The following TMEFF2 variants were observed in gnomAD, a reference collection of about 807,000 sequenced individuals.
The protein encoded by TMEFF2 is transmembrane protein with EGF like and two follistatin like domains 2, also known as tomoregulin-2.
In TMEFF2, 28 loss-of-function variants were observed where a neutral mutation model predicts 53.8. The observed-to-expected ratio is 0.52, with a 90% CI of 0.39 to 0.71. TMEFF2 has a LOEUF of 0.71. TMEFF2 is among the 30% of genes least tolerant of loss of function. The probability of loss-of-function intolerance (pLI) is 0.00; values close to 1 mark genes in which losing one functional copy is unlikely to be tolerated. For missense variants in TMEFF2, 353 were observed against 455.2 expected, an observed-to-expected ratio of 0.78 and a Z score of 2.04; for synonymous variants, 162 against 166.3, an observed-to-expected ratio of 0.97 and a Z score of 0.20.
chr2:191,982,504 CAAA>C (rs10678696), intron 7 of TMEFF2, among the ~76,000 whole-genome samples: 2,118 of 138,666 alleles, frequency 0.015, 61 homozygotes, highest in African/African-American at 0.052. Flanking sequence ...TGAAAACAGG[CAAA>C]AAAAAAAAAA....
chr2:191,958,744 G>C (rs867810258), intron 7 of TMEFF2, among the ~76,000 whole-genome samples: 3 of 152,308 alleles, frequency 2.0e-5, no homozygotes, highest in Middle Eastern at 3.4e-3. Flanking sequence ...AGCTTGGAGT[G>C]CTCTGTTATG....
chr2:192,034,871 A>AG (rs1478431055), intron 5 of TMEFF2: 1 of 152,174 alleles, frequency 6.6e-6, no homozygotes, highest in African/African-American at 2.4e-5. Context: ...TTTTCACTGG[A>AG]GGGGGCATGG....
chr2:192,068,539 G>A (rs1160638504), intron 4 of TMEFF2, among the ~76,000 whole-genome samples: 1 of 151,788 alleles, frequency 6.6e-6, no homozygotes, highest in Non-Finnish European at 1.5e-5. Context: ...GAAGTCCCTG[G>A]TAGATATCTT....
Position 192,033,918 on chromosome 2 carries a change from G to A in TMEFF2, c.536+23761C>T, listed in dbSNP as rs574136653. 3.1e-3 allele frequency among the ~76,000 whole-genome samples: 471 copies of A among 152,092 alleles called. 2 individuals are homozygous for A. Among genetic ancestry groups the A allele is most frequent in the African/African-American group, 9.3e-3 (386 of 41,480 alleles). On this transcript the variant is annotated intron_variant, in intron 5 of 9. Transcript: ENST00000272771. ...TGGCCAGGCATGGTGGCTCACGCCC[G>A]TAATCCCAGCACTCTGGGAGGCCTA...
intron 4 of TMEFF2, among the ~76,000 whole-genome samples, chr2:192,093,139 T>C (rs1190293181): frequency 2.0e-5 from 3 of 152,174 alleles, no homozygotes; most frequent in Non-Finnish European, 4.4e-5. Context: ...TTAGCTTTAT[T>C]TGTAGATATC....
intron 4 of TMEFF2, among the ~76,000 whole-genome samples, chr2:192,091,106 A>C (rs1688779413): frequency 6.6e-6 from 1 of 152,162 alleles, no homozygotes; most frequent in East Asian, 1.9e-4. Flanking sequence ...TCAGCTCCCC[A>C]GATTCCTACT....
At chr2:192,127,832 A>G (rs1161574650) in intron 4 of TMEFF2, among the ~76,000 whole-genome samples, 1 of 152,192 alleles carries the variant, frequency 6.6e-6, no homozygotes, top group Non-Finnish European at 1.5e-5. Context: ...AAATCCTTAA[A>G]ACTACGTAAG....
intron 4 of TMEFF2, among the ~76,000 whole-genome samples, chr2:192,147,480 C>A (rs556390251): frequency 7.1e-4 from 107 of 151,684 alleles, no homozygotes; most frequent in African/African-American, 2.5e-3. Flanking sequence ...TCCCTCCCCA[C>A]TCCCCCCACC....
chr2:191,972,498 T>C (rs577116717), intron 7 of TMEFF2, among the ~76,000 whole-genome samples: 1 of 151,734 alleles, frequency 6.6e-6, no homozygotes, highest in East Asian at 2.0e-4. Flanking sequence ...TTTGGGTAGT[T>C]TCCAGCACAT....
At chr2:192,020,779 A>G (rs1271224545) in intron 5 of TMEFF2, among the ~76,000 whole-genome samples, 1 of 152,184 alleles carries the variant, frequency 6.6e-6, no homozygotes, top group Non-Finnish European at 1.5e-5. Flanking sequence ...AACAAAAATA[A>G]TAGTAAAAGC....
intron 5 of TMEFF2, among the ~76,000 whole-genome samples, chr2:192,029,966 C>G (rs1687087059): frequency 6.6e-6 from 1 of 152,138 alleles, no homozygotes; most frequent in African/African-American, 2.4e-5. Context: ...ATCAAGTAGC[C>G]TCTGGAAAAC....
chr2:192,060,159 T>C (rs753865000), intron 4 of TMEFF2, among the ~76,000 whole-genome samples: 3 of 152,160 alleles, frequency 2.0e-5, no homozygotes, highest in Admixed American at 6.6e-5. Flanking sequence ...GAAGAGTCTC[T>C]GCCTTAAGCA....
intron 4 of TMEFF2, among the ~76,000 whole-genome samples, chr2:192,120,042 T>A (rs1434216988): frequency 2.6e-5 from 4 of 152,160 alleles, no homozygotes; most frequent in African/African-American, 9.7e-5. Context: ...CATCTCTTTA[T>A]CAATTAAGAT....
chr2:192,096,123 A>C (rs1279546627), intron 4 of TMEFF2, among the ~76,000 whole-genome samples: 1 of 152,184 alleles, frequency 6.6e-6, no homozygotes, highest in Non-Finnish European at 1.5e-5. Context: ...TACTATGAAA[A>C]ACAAAGCGGT....
intron 4 of TMEFF2, among the ~76,000 whole-genome samples, chr2:192,164,978 C>CTG (rs71033662): frequency 0.042 from 6,102 of 145,160 alleles, 246 homozygotes; most frequent in African/African-American, 0.12. Context: ...TGAATAAAAA[C>CTG]TGTGTGTGTG....
intron 5 of TMEFF2, among the ~76,000 whole-genome samples, chr2:192,018,860 T>C (rs1304152940): frequency 6.6e-5 from 10 of 151,830 alleles, no homozygotes; most frequent in Non-Finnish European, 1.3e-4. Flanking sequence ...TTGCTACATT[T>C]ATGTAGTAGC....
At chr2:192,110,751 T>C (rs192360721) in intron 4 of TMEFF2, among the ~76,000 whole-genome samples, 1 of 152,318 alleles carries the variant, frequency 6.6e-6, no homozygotes, top group East Asian at 1.9e-4. Context: ...TTTACATAGT[T>C]GATATGGTTT....
intron 8 of TMEFF2, 107 bp downstream of exon 8, chr2:191,956,148 G>T: frequency 1.6e-6 from 2 of 1,238,962 alleles, no homozygotes; most frequent in Non-Finnish European, 2.2e-6. Flanking sequence ...TTTTGTTGCT[G>T]ATTACCCATT....
intron 4 of TMEFF2, among the ~76,000 whole-genome samples, chr2:192,082,486 G>A (rs2105926837): frequency 6.6e-6 from 1 of 152,256 alleles, no homozygotes; most frequent in East Asian, 1.9e-4. Flanking sequence ...AATGAATATG[G>A]AGACTTATTG....
Sources: gnomAD v4.1 joint callset for allele counts (sites outside exome capture counted in the v4.1 genomes callset) on GRCh38, gnomAD v4.1.1 for gene constraint, MANE v1.5 for transcripts, NCBI Gene and HGNC (gene_info 2026-07-23, HGNC 2026-07-21) for gene names.